The following NRXN1 variants were observed in gnomAD, a reference collection of about 807,000 sequenced individuals.
The protein encoded by NRXN1 is neurexin 1.
In NRXN1, 39 loss-of-function variants were observed where a neutral mutation model predicts 150.9. That is an observed-to-expected ratio of 0.26 (90% confidence interval 0.20 to 0.34). The LOEUF (loss-of-function observed/expected upper bound fraction) is 0.34, where lower values mean the gene tolerates loss of function less well. NRXN1 is among the 10% of genes least tolerant of loss of function. NRXN1 has a pLI of 1.00. For synonymous variants in NRXN1, 924 were observed against 757.0 expected (o/e 1.22, Z -3.62); for missense variants, 1,815 against 1,949.9 (o/e 0.93, Z 1.30).
At chr2:49,928,249 A>T (rs1026848104) in intron 22 of NRXN1, among the ~76,000 whole-genome samples, 1 of 151,870 alleles carries the variant, frequency 6.6e-6, no homozygotes, top group Admixed American at 6.6e-5. Flanking sequence ...CCTGTCTTGC[A>T]ATGATCCTTA....
chr2:50,290,585 G>A (rs1310197235), intron 17 of NRXN1, among the ~76,000 whole-genome samples: 1 of 152,142 alleles, frequency 6.6e-6, no homozygotes, highest in East Asian at 1.9e-4. Context: ...AGTTTCCTAC[G>A]TTCTCTAGCC....
chr2:49,983,139 C>T (rs770010803), intron 21 of NRXN1, among the ~76,000 whole-genome samples: 3 of 152,044 alleles, frequency 2.0e-5, no homozygotes, highest in Non-Finnish European at 4.4e-5. Flanking sequence ...TTCCATAGTA[C>T]TTTGTAATAA....
intron 17 of NRXN1, among the ~76,000 whole-genome samples, chr2:50,449,794 A>G (rs922168755): frequency 6.6e-6 from 1 of 152,204 alleles, no homozygotes; most frequent in Non-Finnish European, 1.5e-5. Flanking sequence ...AGGCAAAGGC[A>G]GTATCTCAAT....
intron 17 of NRXN1, among the ~76,000 whole-genome samples, chr2:50,303,781 A>C (rs1278823747): frequency 6.6e-6 from 1 of 152,174 alleles, no homozygotes; most frequent in African/African-American, 2.4e-5. Context: ...AAGTTAGGTA[A>C]AAACAATTTC....
intron 5 of NRXN1, among the ~76,000 whole-genome samples, chr2:50,884,185 AG>A (rs1177878422): frequency 1.3e-5 from 2 of 151,964 alleles, no homozygotes; most frequent in African/African-American, 4.8e-5. Flanking sequence ...AAAAATTTAC[AG>A]GAAAAACACT....
rs1672410456 is a variant in NRXN1 at position 50,582,436 on chromosome 2, G to A, written c.1321-29411C>T. Among the ~76,000 whole-genome samples, 3 of 124,246 alleles carry A rather than the reference G, an allele frequency of 2.4e-5. No homozygotes were observed. The South Asian group carries it at 8.1e-4, about 34-fold the overall frequency. The allele number at this position is 124,246 out of a possible 152,430, so 81.5% of individuals were successfully genotyped here. A position where few individuals can be genotyped will look rare whatever the true frequency, so the allele number is the denominator to read the frequency against. The stretch of plus-strand genomic sequence containing the variant: ...GCAGAGGTTGCAGTGAGCCGCGACT[G>A]TGCCACTGCACACCAGCCTGGGTAA... On this transcript the variant is annotated intron_variant, in intron 8 of 22. Transcript: ENST00000401669.
intron 18 of NRXN1, among the ~76,000 whole-genome samples, chr2:50,092,403 G>C (rs1403332223): frequency 6.6e-6 from 1 of 152,188 alleles, no homozygotes; most frequent in East Asian, 1.9e-4. Context: ...ATGTGGATTT[G>C]TCCTTAATCA....
intron 17 of NRXN1, among the ~76,000 whole-genome samples, chr2:50,259,353 T>C (rs963058783): frequency 6.6e-6 from 1 of 151,896 alleles, no homozygotes; most frequent in African/African-American, 2.4e-5. Context: ...GTAGAAGATG[T>C]GCCATTCACT....
intron 9 of NRXN1, among the ~76,000 whole-genome samples, chr2:50,542,892 A>G (rs1038823822): frequency 1.3e-5 from 2 of 152,180 alleles, no homozygotes; most frequent in African/African-American, 4.8e-5. Context: ...AATTTAACTC[A>G]TAGATATGAG....
intron 5 of NRXN1, among the ~76,000 whole-genome samples, chr2:50,746,486 A>G (rs933659227): frequency 1.3e-5 from 2 of 151,980 alleles, no homozygotes; most frequent in African/African-American, 4.8e-5. Context: ...TAAGCCCAGG[A>G]GCTTGAGGCT....
chr2:50,312,072 G>A (rs2075231230), intron 17 of NRXN1, among the ~76,000 whole-genome samples: 1 of 152,074 alleles, frequency 6.6e-6, no homozygotes, highest in Non-Finnish European at 1.5e-5. Flanking sequence ...GTTAACCACT[G>A]TATTTATTCA....
intron 5 of NRXN1, among the ~76,000 whole-genome samples, chr2:50,723,324 T>G (rs1696910928): frequency 6.6e-6 from 1 of 152,214 alleles, no homozygotes; most frequent in South Asian, 2.1e-4. Flanking sequence ...TCATGTGTCT[T>G]GTCGGTTTTG....
At chr2:50,490,791 T>A (rs1436115334) in intron 15 of NRXN1, among the ~76,000 whole-genome samples, 3 of 152,276 alleles carry the variant, frequency 2.0e-5, no homozygotes, top group African/African-American at 7.2e-5. Context: ...GGATGGCTCT[T>A]GAGATCCCAG....
intron 5 of NRXN1, among the ~76,000 whole-genome samples, chr2:50,650,683 G>C (rs965170562): frequency 6.6e-5 from 10 of 151,982 alleles, no homozygotes; most frequent in African/African-American, 2.4e-4. Context: ...GTACTTCACT[G>C]TAATTCGGGT....
At chr2:50,879,870 C>G (rs559084675) in intron 5 of NRXN1, among the ~76,000 whole-genome samples, 2 of 152,064 alleles carry the variant, frequency 1.3e-5, no homozygotes, top group African/African-American at 4.8e-5. Context: ...AAAGGAGGTG[C>G]TGAGGCATGC....
chr2:50,172,590 T>C (rs1333350253), intron 18 of NRXN1, among the ~76,000 whole-genome samples: 1 of 152,184 alleles, frequency 6.6e-6, no homozygotes, highest in African/African-American at 2.4e-5. Flanking sequence ...CTAGAGAAAC[T>C]GGATGGCCTG....
At chr2:50,900,794 C>G (rs759408920) in intron 5 of NRXN1, among the ~76,000 whole-genome samples, 1 of 152,082 alleles carries the variant, frequency 6.6e-6, no homozygotes, top group Admixed American at 6.6e-5. Flanking sequence ...CCAGCTAAAG[C>G]AGCTGGCAGG....
At chr2:50,983,352 C>A (rs1325032541) in intron 2 of NRXN1, among the ~76,000 whole-genome samples, 1 of 152,084 alleles carries the variant, frequency 6.6e-6, no homozygotes, top group African/African-American at 2.4e-5. Context: ...CTGCGAGATG[C>A]TTTTCCAGCT....
rs72876452 is a variant in NRXN1 at position 50,392,277 on chromosome 2, C to T, written c.3364+73165G>A. 5.1e-3 allele frequency among the ~76,000 whole-genome samples: 774 copies of T among 152,184 alleles called. 7 individuals carry two copies. The highest frequency in any genetic ancestry group is 0.018 in the African/African-American group (728 of 41,530). ...GGCTTTTTATATGATTGTCTTACTGCCTTTCTAATTCCCATAGCGACCTCC... is the reference window on the plus strand; with the variant it reads ...GGCTTTTTATATGATTGTCTTACTGTCTTTCTAATTCCCATAGCGACCTCC... On this transcript the variant is annotated intron_variant, in intron 17 of 22. Coordinates refer to ENST00000401669, the MANE Select transcript of NRXN1 (RefSeq NM_001330078.2).
Sources: allele counts gnomAD v4.1 joint callset (sites outside exome capture counted in the v4.1 genomes callset), GRCh38; gene constraint gnomAD v4.1.1; transcripts MANE v1.5; gene names NCBI Gene and HGNC (gene_info 2026-07-23, HGNC 2026-07-21).